PARVA: variants seen among roughly 807,000 people sequenced by gnomAD.
PARVA encodes the protein parvin alpha, also known as alpha-parvin.
Under a neutral mutation model 52.6 loss-of-function variants are expected in PARVA, and 25 were observed. The observed-to-expected ratio is 0.48, with a 90% confidence interval of 0.35 to 0.66. PARVA has a LOEUF of 0.66. PARVA is among the 30% of genes least tolerant of loss of function. The probability of loss-of-function intolerance (pLI) is 0.01; values close to 1 mark genes in which losing one functional copy is unlikely to be tolerated. For missense variants in PARVA, 373 were observed against 450.9 expected (o/e 0.83, Z 1.56); for synonymous variants, 185 against 179.1 (o/e 1.03, Z -0.26).
At chr11:12,462,635 C>T (rs1487086400) in intron 1 of PARVA, among the ~76,000 whole-genome samples, 1 of 152,188 alleles carries the variant, frequency 6.6e-6, no homozygotes, top group Admixed American at 6.5e-5. Flanking sequence ...TTTGCTACTA[C>T]AGCAATAGAG....
Position 12,515,561 on chromosome 11 carries a change from C to A in PARVA, c.867+1496C>A. ...ACTATTCCTACCAAGTCAGTGGAAC[C>A]AGCCATGGGAGGTGAGGAGCAGTCT... On this transcript the variant is annotated intron_variant, in intron 10 of 12. Transcript: ENST00000334956. Among the ~76,000 whole-genome samples, 2 of 152,164 alleles carry A rather than the reference C, an allele frequency of 1.3e-5. 1 individual carries two copies. The highest frequency in any genetic ancestry group is 3.8e-4 in the East Asian group (2 of 5,196).
At chr11:12,525,935 AG>A (rs1941695158) in intron 12 of PARVA, among the ~76,000 whole-genome samples, 1 of 151,816 alleles carries the variant, frequency 6.6e-6, no homozygotes, top group Non-Finnish European at 1.5e-5. Context: ...GAACCTAAGG[AG>A]GTTCCCCCAA....
At chr11:12,424,789 G>A (rs746973101) in intron 1 of PARVA, among the ~76,000 whole-genome samples, 1 of 152,160 alleles carries the variant, frequency 6.6e-6, no homozygotes, top group Non-Finnish European at 1.5e-5. Context: ...AATGTTGAAT[G>A]TTATTGATGG....
chr11:12,474,679 A>G (rs1362298227), intron 3 of PARVA, among the ~76,000 whole-genome samples: 5 of 152,116 alleles, frequency 3.3e-5, no homozygotes, highest in Non-Finnish European at 7.3e-5. Context: ...CTGAAAGTAC[A>G]AAAAATTAGC....
chr11:12,428,312 T>C (rs900294880), intron 1 of PARVA, among the ~76,000 whole-genome samples: 7 of 152,064 alleles, frequency 4.6e-5, no homozygotes, highest in African/African-American at 1.4e-4. Flanking sequence ...GAGTCTCTCA[T>C]ATGAAAGGAG....
chr11:12,436,539 G>A (rs1351991083), intron 1 of PARVA, among the ~76,000 whole-genome samples: 1 of 152,174 alleles, frequency 6.6e-6, no homozygotes. Flanking sequence ...TATAAAGTGA[G>A]TAATGAGTGA....
intron 1 of PARVA, among the ~76,000 whole-genome samples, chr11:12,378,476 A>G (rs1939437449): frequency 6.6e-6 from 1 of 152,112 alleles, no homozygotes; most frequent in African/African-American, 2.4e-5. Flanking sequence ...TGCGTGAGAC[A>G]CAAACTTCGT....
At position 12,513,347 on chromosome 11, in the gene PARVA, A is replaced by G. The variant is rs1332732045; in HGVS notation, c.785A>G (p.Asn262Ser). 1.5e-5 allele frequency: 25 copies of G among 1,613,800 alleles called. No homozygotes were observed. The highest frequency in any genetic ancestry group is 2.1e-5 in the Non-Finnish European group (25 of 1,179,782). The change falls in exon 9 of 13, where the codon AAT (asparagine) becomes AGT (serine). Residue 262 changes from asparagine to serine, a missense_variant. Asn to Ser is a conservative substitution (Grantham distance 46). Coordinates refer to ENST00000334956, the MANE Select transcript of PARVA (RefSeq NM_018222.5). ...TLFDHAPDKL[N>S]VVKKTLITFV... ...TTCGACCATGCCCCAGACAAGCTGA[A>G]TGTGGTGAAAAAGGTGGGAAAGGGG...
intron 6 of PARVA, among the ~76,000 whole-genome samples, chr11:12,506,962 G>A (rs1467731584): frequency 6.6e-6 from 1 of 152,224 alleles, no homozygotes; most frequent in Non-Finnish European, 1.5e-5. Flanking sequence ...CAAGGACACA[G>A]ATTCCATTAA....
chr11:12,397,630 T>C (rs184503290), intron 1 of PARVA, among the ~76,000 whole-genome samples: 1 of 152,274 alleles, frequency 6.6e-6, no homozygotes, highest in East Asian at 1.9e-4. Flanking sequence ...AAACTAAAAG[T>C]TATCCGGATC....
chr11:12,509,075 G>GGT (rs1211383943), intron 7 of PARVA, among the ~76,000 whole-genome samples: 5 of 122,788 alleles, frequency 4.1e-5, no homozygotes, highest in African/African-American at 1.2e-4. Flanking sequence ...GTTTGGGGTG[G>GGT]TTTTTTTTTT....
chr11:12,519,183 G>A (rs1941608537), intron 12 of PARVA, among the ~76,000 whole-genome samples: 1 of 152,224 alleles, frequency 6.6e-6, no homozygotes, highest in Admixed American at 6.5e-5. Flanking sequence ...CTGTGTTGCA[G>A]ATAATCTCCT....
chr11:12,378,607 C>G (rs1939440672), intron 1 of PARVA, among the ~76,000 whole-genome samples: 1 of 119,666 alleles, frequency 8.4e-6, no homozygotes. Flanking sequence ...GGGTAGTTTG[C>G]ATGTAAAATA....
At chr11:12,503,480 T>C (rs1194749766) in intron 5 of PARVA, among the ~76,000 whole-genome samples, 4 of 151,944 alleles carry the variant, frequency 2.6e-5, no homozygotes, top group Non-Finnish European at 4.4e-5. Flanking sequence ...TCAGCAGTTG[T>C]CAGGATCCTC....
At chr11:12,415,934 G>A (rs1035148032) in intron 1 of PARVA, among the ~76,000 whole-genome samples, 2 of 152,196 alleles carry the variant, frequency 1.3e-5, no homozygotes, top group Admixed American at 1.3e-4. Flanking sequence ...AAGGCGTAGC[G>A]CCTTCTCTAC....
intron 10 of PARVA, among the ~76,000 whole-genome samples, chr11:12,514,621 G>C (rs1355913865): frequency 6.6e-6 from 1 of 152,152 alleles, no homozygotes; most frequent in Non-Finnish European, 1.5e-5. Flanking sequence ...CCAGGTAGCT[G>C]GGATTACAGG....
At chr11:12,469,655 A>G (rs563062898) in intron 1 of PARVA, among the ~76,000 whole-genome samples, 4 of 152,332 alleles carry the variant, frequency 2.6e-5, no homozygotes, top group African/African-American at 9.6e-5. Flanking sequence ...CAGTTTGCAT[A>G]TTCACTTTTA....
chr11:12,467,104 C>A (rs1940863486), intron 1 of PARVA, among the ~76,000 whole-genome samples: 1 of 152,084 alleles, frequency 6.6e-6, no homozygotes, highest in South Asian at 2.1e-4. Context: ...TAGATTTATA[C>A]CCAAGTATTG....
At chr11:12,382,381 C>CTTTTTTTTTTTTTT (rs546439424) in intron 1 of PARVA, among the ~76,000 whole-genome samples, 1 of 128,332 alleles carries the variant, frequency 7.8e-6, no homozygotes. Context: ...GTAACTTTTT[C>CTTTTTTTTTTTTTT]TTTTTTTTTT....
Sources: allele counts gnomAD v4.1 joint callset (sites outside exome capture counted in the v4.1 genomes callset), GRCh38; gene constraint gnomAD v4.1.1; transcripts MANE v1.5; gene names NCBI Gene and HGNC (gene_info 2026-07-23, HGNC 2026-07-21).